MRPS28: variants seen among roughly 807,000 people sequenced by gnomAD.
MRPS28 encodes mitochondrial ribosomal protein S28.
MRPS28 carries 7 observed loss-of-function variants against 10.8 expected under a neutral mutation model. That is an observed-to-expected ratio of 0.65 (90% CI 0.37 to 1.22). MRPS28 has a LOEUF of 1.22. Among genes scored for constraint, MRPS28 ranks in the 50% most tolerant of loss-of-function variants. The pLI, the probability that MRPS28 is intolerant of heterozygous loss-of-function variation, is 0.02. For synonymous variants in MRPS28, 121 were observed against 93.3 expected, an observed-to-expected ratio of 1.30 and a Z score of -1.71; for missense variants, 265 against 232.9, an observed-to-expected ratio of 1.14 and a Z score of -0.90.
At chr8:79,959,326 GA>G (rs999850543) in intron 2 of MRPS28, among the ~76,000 whole-genome samples, 10 of 150,838 alleles carry the variant, frequency 6.6e-5, no homozygotes, top group South Asian at 4.2e-4. Context: ...TATAAAATAT[GA>G]AAAAAAAATT....
At chr8:80,024,557 A>G (rs934371335) in intron 1 of MRPS28, among the ~76,000 whole-genome samples, 6 of 152,218 alleles carry the variant, frequency 3.9e-5, no homozygotes, top group Non-Finnish European at 7.3e-5. Flanking sequence ...TCCACATGTA[A>G]GTAAGTCTAC....
chr8:80,016,416 A>AC (rs937562301), intron 1 of MRPS28, among the ~76,000 whole-genome samples: 39 of 151,760 alleles, frequency 2.6e-4, no homozygotes, highest in African/African-American at 7.7e-4. Flanking sequence ...GAGGAAACAA[A>AC]AAAAAAAAAT....
In MRPS28 at chr8:79,938,938, TAC is replaced by T. The variant is rs1004851884; in HGVS notation, c.396-19792_396-19791del. Among the ~76,000 whole-genome samples, 32 of 152,272 alleles carry T rather than the reference TAC, an allele frequency of 2.1e-4. 1 individual carries two copies. The highest frequency in any genetic ancestry group is 2.0e-3 in the Admixed American group (30 of 15,284). ...AAAATCAAACATTTAACATAAAATC[TAC>T]AGATGGGGGATTCCTTGGATGTGCT... On this transcript the variant is annotated intron_variant, in intron 2 of 2. Coordinates refer to ENST00000276585, the MANE Select transcript of MRPS28 (RefSeq NM_014018.3).
At chr8:79,988,006 C>T (rs138504533) in intron 2 of MRPS28, among the ~76,000 whole-genome samples, 2,231 of 151,714 alleles carry the variant, frequency 0.015, 54 homozygotes, top group African/African-American at 0.05. Flanking sequence ...ACAATAGCAA[C>T]GACTTGGAAC....
chr8:79,975,521 A>G (rs1480265286), intron 2 of MRPS28, among the ~76,000 whole-genome samples: 1 of 152,312 alleles, frequency 6.6e-6, no homozygotes, highest in East Asian at 1.9e-4. Context: ...AACAGTTACA[A>G]CAAAGAGTAT....
At chr8:79,926,685 G>A (rs1366315916) in intron 2 of MRPS28, among the ~76,000 whole-genome samples, 2 of 152,168 alleles carry the variant, frequency 1.3e-5, no homozygotes, top group African/African-American at 4.8e-5. Context: ...TTGAGTTTGG[G>A]GATTTGGGGC....
chr8:79,975,690 T>C (rs1156626267), intron 2 of MRPS28, among the ~76,000 whole-genome samples: 1 of 152,202 alleles, frequency 6.6e-6, no homozygotes, highest in African/African-American at 2.4e-5. Flanking sequence ...GTAATAACTT[T>C]TGCTTATTAG....
At chr8:79,967,224 C>T (rs1281643565) in intron 2 of MRPS28, among the ~76,000 whole-genome samples, 3 of 152,114 alleles carry the variant, frequency 2.0e-5, no homozygotes, top group Admixed American at 1.3e-4. Flanking sequence ...GACATTCATT[C>T]ACTCACTCAC....
chr8:79,984,636 T>C (rs1808096665), intron 2 of MRPS28, among the ~76,000 whole-genome samples: 2 of 152,140 alleles, frequency 1.3e-5, no homozygotes, highest in South Asian at 4.2e-4. Context: ...TAGTCTCTGA[T>C]AAAACAGACT....
At chr8:79,934,550 A>G (rs1192324293) in intron 2 of MRPS28, among the ~76,000 whole-genome samples, 1 of 152,246 alleles carries the variant, frequency 6.6e-6, no homozygotes. Context: ...AACATCCAGT[A>G]CAACACAGCT....
intron 2 of MRPS28, among the ~76,000 whole-genome samples, chr8:80,001,037 G>C (rs190012960): frequency 6.6e-6 from 1 of 152,142 alleles, no homozygotes; most frequent in Non-Finnish European, 1.5e-5. Context: ...AAAAGTATAT[G>C]ACTAGTATTT....
chr8:80,017,916 A>T (rs1809239340), intron 1 of MRPS28, among the ~76,000 whole-genome samples: 1 of 152,228 alleles, frequency 6.6e-6, no homozygotes. Context: ...TTTAACATTC[A>T]AAAATCAAAA....
intron 2 of MRPS28, among the ~76,000 whole-genome samples, chr8:79,943,960 GTAA>G (rs1806835620): frequency 1.3e-5 from 2 of 152,068 alleles, no homozygotes; most frequent in African/African-American, 4.8e-5. Context: ...TTTAGCCATA[GTAA>G]AAATCTACAT....
At position 80,029,646 on chromosome 8, in the gene MRPS28, C is replaced by T. The variant is rs565479975; in HGVS notation, c.213+390G>A. ...CCAGACAGCAAGCTCCATGCTAGAG[C>T]TACTGTTCAGAACAAGACCCAGCAG... On this transcript the variant is annotated intron_variant, in intron 1 of 2. Transcript: ENST00000276585. 62 of 992,844 alleles carry T rather than the reference C, an allele frequency of 6.2e-5. No individual in the cohort carries two copies. In the African/African-American group the frequency reaches 9.2e-4, roughly 15 times the overall value. The allele number at this position is 992,844 out of a possible 1,614,324, so 61.5% of individuals were successfully genotyped here. A position where few individuals can be genotyped will look rare whatever the true frequency, so the allele number is the denominator to read the frequency against.
chr8:79,924,539 C>T (rs1438004713), intron 2 of MRPS28, among the ~76,000 whole-genome samples: 1 of 152,074 alleles, frequency 6.6e-6, no homozygotes, highest in African/African-American at 2.4e-5. Flanking sequence ...CAGAAAAGAC[C>T]TTAGATCTTT....
At chr8:80,005,795 C>G (rs1203842987) in intron 1 of MRPS28, among the ~76,000 whole-genome samples, 3 of 152,000 alleles carry the variant, frequency 2.0e-5, no homozygotes, top group Non-Finnish European at 4.4e-5. Flanking sequence ...GGAAGATCTA[C>G]CAAGCAAATG....
intron 2 of MRPS28, among the ~76,000 whole-genome samples, chr8:79,972,426 T>G (rs753498734): frequency 1.2e-4 from 19 of 152,180 alleles, no homozygotes; most frequent in Non-Finnish European, 2.2e-4. Context: ...ATTTTGGCTA[T>G]CGTGACTAAT....
intron 2 of MRPS28, among the ~76,000 whole-genome samples, chr8:79,927,702 A>ACT (rs1806329524): frequency 6.6e-6 from 1 of 152,182 alleles, no homozygotes; most frequent in South Asian, 2.1e-4. Context: ...TATTCCACTA[A>ACT]TTCCCTCAGT....
intron 2 of MRPS28, among the ~76,000 whole-genome samples, chr8:79,975,179 C>T (rs1353242961): frequency 2.6e-5 from 4 of 152,112 alleles, no homozygotes; most frequent in Non-Finnish European, 5.9e-5. Flanking sequence ...CACCTGTAGT[C>T]CCAGCTACTT....
Sources: gnomAD v4.1 joint callset for allele counts (sites outside exome capture counted in the v4.1 genomes callset) on GRCh38, gnomAD v4.1.1 for gene constraint, MANE v1.5 for transcripts, NCBI Gene and HGNC (gene_info 2026-07-23, HGNC 2026-07-21) for gene names.